The following CBLB variants were observed in gnomAD, a reference collection of about 807,000 sequenced individuals.
The protein encoded by CBLB is E3 ubiquitin-protein ligase CBL-B.
Under a neutral mutation model 104.9 loss-of-function variants are expected in CBLB, and 31 were observed. The ratio of observed to expected loss-of-function variants is 0.30; its 90% CI spans 0.22 to 0.40. The LOEUF (loss-of-function observed/expected upper bound fraction) is 0.40, where lower values mean the gene tolerates loss of function less well. Ranked by LOEUF, CBLB falls within the 10% of genes least tolerant of loss-of-function variation. The pLI is 1.00. For synonymous variants in CBLB, 440 were observed against 422.6 expected, an observed-to-expected ratio of 1.04 and a Z score of -0.51; for missense variants, 1,062 against 1,214.6, an observed-to-expected ratio of 0.87 and a Z score of 1.87.
chr3:105,811,112 T>C (rs1167071003), intron 3 of CBLB, among the ~76,000 whole-genome samples: 1 of 152,182 alleles, frequency 6.6e-6, no homozygotes, highest in South Asian at 2.1e-4. Context: ...TCAGGAAACC[T>C]TAATTAGGCC....
At chr3:105,681,298 T>C (rs1197149247) in intron 16 of CBLB, 181 bp downstream of exon 16, 1 of 625,062 alleles carries the variant, frequency 1.6e-6, no homozygotes, top group Non-Finnish European at 2.8e-6. Context: ...ACTACCTTAA[T>C]CATCTACATG....
At chr3:105,795,991 G>A (rs2082215371) in intron 3 of CBLB, among the ~76,000 whole-genome samples, 1 of 152,030 alleles carries the variant, frequency 6.6e-6, no homozygotes, top group South Asian at 2.1e-4. Flanking sequence ...CAAAGTGCTG[G>A]GATTACAGGA....
intron 3 of CBLB, among the ~76,000 whole-genome samples, chr3:105,786,209 A>C (rs2081003734): frequency 6.6e-6 from 1 of 152,206 alleles, no homozygotes; most frequent in Non-Finnish European, 1.5e-5. Context: ...AAACAAATAC[A>C]GGATATACAC....
At position 105,746,112 on chromosome 3, in the gene CBLB, T is replaced by C. The variant is rs977547160; in HGVS notation, c.724-74A>G. 19 of 967,234 alleles carry C rather than the reference T, an allele frequency of 2.0e-5. No homozygotes were observed. In the South Asian group the frequency reaches 2.1e-4, roughly 10 times the overall value. 59.9% of individuals were successfully genotyped at this position (967,234 alleles called of 1,614,324 possible). On this transcript the variant is annotated intron_variant, in intron 5 of 18. Coordinates refer to ENST00000394030, the MANE Select transcript of CBLB (RefSeq NM_170662.5). ...TATTTTGATTACATACTGAACCATA[T>C]TTAATACACTTAACATTATCTTGGA...
rs748869269 is a variant in CBLB at position 105,720,104 on chromosome 3, G to A, written c.1350C>T (p.Asp450=). The A allele has an allele frequency of 1.7e-5, 28 of 1,613,820 alleles. No individual in the cohort carries two copies. The East Asian group carries it at 2.7e-4, about 15-fold the overall frequency. The change falls in exon 10 of 19, where the codon GAC becomes GAT. Residue 450 remains aspartate (D), a synonymous_variant. Transcript: ENST00000394030. The part of the protein sequence containing the change: ...DPFGMPMLDL[D]DDDDREESLM... ...AGGACTCCTCACGATCATCATCGTC[G>A]TCCAAGTCTAGCATCGGCATGCCAA...
intron 16 of CBLB, among the ~76,000 whole-genome samples, chr3:105,680,176 C>G (rs961816656): frequency 2.0e-5 from 3 of 152,260 alleles, no homozygotes; most frequent in East Asian, 1.9e-4. Flanking sequence ...TGTTGAAGAA[C>G]AGGAAGTCCT....
intron 16 of CBLB, among the ~76,000 whole-genome samples, chr3:105,679,043 T>G (rs2065983791): frequency 6.6e-6 from 1 of 152,186 alleles, no homozygotes; most frequent in South Asian, 2.1e-4. Context: ...TTATCCCATA[T>G]AGTTTATTCC....
At chr3:105,765,904 A>C (rs1023017917) in intron 4 of CBLB, among the ~76,000 whole-genome samples, 9 of 152,232 alleles carry the variant, frequency 5.9e-5, no homozygotes, top group African/African-American at 2.2e-4. Flanking sequence ...CTTATTATTT[A>C]AGAAATACAT....
intron 9 of CBLB, among the ~76,000 whole-genome samples, chr3:105,722,407 G>A (rs957466099): frequency 1.3e-5 from 2 of 151,956 alleles, no homozygotes; most frequent in Middle Eastern, 3.4e-3. Context: ...CCTATCACCC[G>A]ACTTCAACAA....
At chr3:105,709,729 T>C (rs760109909) in intron 10 of CBLB, among the ~76,000 whole-genome samples, 3 of 151,956 alleles carry the variant, frequency 2.0e-5, no homozygotes, top group Non-Finnish European at 2.9e-5. Context: ...TATGTGCTAG[T>C]TTTTAAGGAA....
chr3:105,764,716 T>A (rs1436275442), intron 4 of CBLB, among the ~76,000 whole-genome samples: 1 of 152,182 alleles, frequency 6.6e-6, no homozygotes, highest in Admixed American at 6.5e-5. Context: ...AAATCTGACA[T>A]AGGACAAAAG....
At chr3:105,720,321 C>G in intron 9 of CBLB, 71 bp from the exon 10 acceptor site, 1 of 1,402,894 alleles carries the variant, frequency 7.1e-7, no homozygotes, top group Non-Finnish European at 9.9e-7. Flanking sequence ...TAATAATGTT[C>G]TACAACTATA....
intron 4 of CBLB, among the ~76,000 whole-genome samples, chr3:105,761,011 TTTA>T (rs1349365584): frequency 6.6e-6 from 1 of 152,152 alleles, no homozygotes; most frequent in Non-Finnish European, 1.5e-5. Flanking sequence ...ACACACTGAC[TTTA>T]TTGTTGTTGT....
intron 10 of CBLB, among the ~76,000 whole-genome samples, chr3:105,717,321 C>T (rs1470812846): frequency 6.6e-6 from 1 of 152,168 alleles, no homozygotes; most frequent in African/African-American, 2.4e-5. Flanking sequence ...ACTACTTGAG[C>T]TGTTGTATCT....
intron 18 of CBLB, among the ~76,000 whole-genome samples, chr3:105,664,573 A>G (rs575131746): frequency 4.1e-4 from 62 of 152,258 alleles, no homozygotes; most frequent in African/African-American, 1.4e-3. Flanking sequence ...TTTTCTCTGT[A>G]ATTTCCTTTT....
At chr3:105,669,495 T>C (rs966437189) in intron 18 of CBLB, among the ~76,000 whole-genome samples, 6 of 152,172 alleles carry the variant, frequency 3.9e-5, no homozygotes, top group Admixed American at 1.3e-4. Context: ...TCTATGGTAT[T>C]GTGTTATAGT....
At position 105,781,122 on chromosome 3, in the gene CBLB, A is replaced by G. The variant is rs184183831; in HGVS notation, c.420-4580T>C. ...CAAGGAGGGAGAAGAGCTACATTAAAAAGAGAGAGAGATGTGAAATGAATC... is the reference window on the plus strand; with the variant it reads ...CAAGGAGGGAGAAGAGCTACATTAAGAAGAGAGAGAGATGTGAAATGAATC... On this transcript the variant is annotated intron_variant, in intron 3 of 18. Transcript: ENST00000394030. Among the ~76,000 whole-genome samples the G allele has an allele frequency of 1.7e-3, 265 of 152,354 alleles. 1 individual carries two copies. The highest frequency in any genetic ancestry group is 6.0e-3 in the African/African-American group (251 of 41,588).
At chr3:105,869,230 A>G (rs1706755175), upstream of CBLB, 3 of 653,192 alleles carry the variant, frequency 4.6e-6, no homozygotes, top group Admixed American at 7.0e-5. Flanking sequence ...AGCACGTCAG[A>G]AAGGAATTGG....
intron 1 of CBLB, among the ~76,000 whole-genome samples, 155 bp from the exon 2 acceptor site, chr3:105,867,746 A>T (rs1346955482): frequency 6.6e-6 from 1 of 152,192 alleles, no homozygotes; most frequent in Non-Finnish European, 1.5e-5. Context: ...AAGCTTGTGA[A>T]TTTACACTCT....
Sources: allele counts gnomAD v4.1 joint callset (sites outside exome capture counted in the v4.1 genomes callset), GRCh38; gene constraint gnomAD v4.1.1; transcripts MANE v1.5; gene names NCBI Gene and HGNC (gene_info 2026-07-23, HGNC 2026-07-21).